The following TESK2 variants were observed in gnomAD, a reference collection of about 807,000 sequenced individuals.
TESK2 encodes testis associated actin remodelling kinase 2, also known as dual specificity testis-specific protein kinase 2.
In TESK2, 39 loss-of-function variants were observed where a neutral mutation model predicts 57.1. That is an observed-to-expected ratio of 0.68 (90% CI 0.53 to 0.89). The LOEUF (loss-of-function observed/expected upper bound fraction) is 0.89. Ranked by LOEUF, TESK2 falls within the 40% of genes least tolerant of loss-of-function variation. The pLI is 0.00. For missense variants in TESK2, 646 were observed against 732.1 expected, an observed-to-expected ratio of 0.88 and a Z score of 1.36; for synonymous variants, 249 against 267.9, an observed-to-expected ratio of 0.93 and a Z score of 0.69.
At chr1:45,448,655 C>T (rs149567204) in intron 2 of TESK2, among the ~76,000 whole-genome samples, 1 of 152,252 alleles carries the variant, frequency 6.6e-6, no homozygotes, top group Non-Finnish European at 1.5e-5. Flanking sequence ...TCACTTATCA[C>T]CGACGGGATG....
chr1:45,477,765 G>A (rs891043078), intron 1 of TESK2, among the ~76,000 whole-genome samples: 5 of 152,088 alleles, frequency 3.3e-5, no homozygotes, highest in Non-Finnish European at 5.9e-5. Context: ...CCCGGCATTC[G>A]AAGACTCTGC....
chr1:45,476,852 A>G (rs572417298), intron 1 of TESK2, among the ~76,000 whole-genome samples: 13 of 151,584 alleles, frequency 8.6e-5, no homozygotes, highest in Non-Finnish European at 1.8e-4. Flanking sequence ...ATCTCAAAAA[A>G]AAAGAATGAG....
At chr1:45,384,366 T>A (rs112008843) in intron 4 of TESK2, among the ~76,000 whole-genome samples, 1 of 135,132 alleles carries the variant, frequency 7.4e-6, no homozygotes, top group Admixed American at 7.5e-5. Flanking sequence ...TACGTACGTA[T>A]CTATCTATCT....
chr1:45,445,459 G>C (rs574995900), intron 2 of TESK2, among the ~76,000 whole-genome samples: 1 of 151,754 alleles, frequency 6.6e-6, no homozygotes, highest in African/African-American at 2.4e-5. Context: ...CTTGAAGATG[G>C]GCTTTCAATA....
intron 2 of TESK2, among the ~76,000 whole-genome samples, chr1:45,433,298 T>G (rs1651059714): frequency 6.6e-6 from 1 of 151,112 alleles, no homozygotes; most frequent in African/African-American, 2.4e-5. Flanking sequence ...AGGCTGGTCT[T>G]GAACTCCTGG....
chr1:45,406,759 A>G (rs1173110786), intron 3 of TESK2, among the ~76,000 whole-genome samples: 1 of 152,178 alleles, frequency 6.6e-6, no homozygotes, highest in Non-Finnish European at 1.5e-5. Flanking sequence ...TGATTGCAAT[A>G]GCCTCCTTAA....
chr1:45,451,888 C>T (rs1270906132), intron 2 of TESK2, among the ~76,000 whole-genome samples: 8 of 151,766 alleles, frequency 5.3e-5, no homozygotes, highest in Non-Finnish European at 1.2e-4. Context: ...TAAAAATTAG[C>T]CAGGCATGAT....
At chr1:45,448,536 T>C (rs1651737049) in intron 2 of TESK2, among the ~76,000 whole-genome samples, 1 of 151,496 alleles carries the variant, frequency 6.6e-6, no homozygotes, top group African/African-American at 2.4e-5. Context: ...GGTGACGGGG[T>C]GGGGGCAGCA....
At chr1:45,432,758 C>CT (rs1300292630) in intron 2 of TESK2, among the ~76,000 whole-genome samples, 39,707 of 87,594 alleles carry the variant, frequency 0.45, 10,305 homozygotes, top group African/African-American at 0.48. Flanking sequence ...AATATTATAA[C>CT]TTTTTTTTTT....
At chr1:45,346,042 C>A (rs1398078983) in intron 9 of TESK2, 48 bp from the exon 10 acceptor site, 2 of 1,380,810 alleles carry the variant, frequency 1.4e-6, no homozygotes, top group Admixed American at 3.4e-5. Flanking sequence ...ATCTCCCACC[C>A]CAAAGATGGC....
intron 1 of TESK2, among the ~76,000 whole-genome samples, chr1:45,468,737 C>T (rs1301861453): frequency 6.6e-6 from 1 of 151,956 alleles, no homozygotes; most frequent in Non-Finnish European, 1.5e-5. Context: ...AAACATAAGG[C>T]GTTATTGTCA....
At chr1:45,392,221 G>C (rs1649175232) in intron 3 of TESK2, among the ~76,000 whole-genome samples, 1 of 152,150 alleles carries the variant, frequency 6.6e-6, no homozygotes, top group South Asian at 2.1e-4. Flanking sequence ...GAGTAGCTGA[G>C]ATTACAGGCA....
At chr1:45,354,837 T>A (rs201327551) in intron 5 of TESK2, among the ~76,000 whole-genome samples, 1 of 98,214 alleles carries the variant, frequency 1.0e-5, no homozygotes, top group African/African-American at 4.0e-5. Flanking sequence ...TATATATATA[T>A]ATATATATAT....
intron 2 of TESK2, among the ~76,000 whole-genome samples, chr1:45,428,603 A>C (rs1254936370): frequency 6.6e-6 from 1 of 151,540 alleles, no homozygotes; most frequent in Non-Finnish European, 1.5e-5. Flanking sequence ...CCTGAGATCA[A>C]GCAATCCTCC....
chr1:45,452,326 A>C (rs1360187493), intron 2 of TESK2, among the ~76,000 whole-genome samples: 1 of 152,192 alleles, frequency 6.6e-6, no homozygotes, highest in Non-Finnish European at 1.5e-5. Context: ...TGTGAAATGC[A>C]ATGGTGGCTT....
intron 2 of TESK2, among the ~76,000 whole-genome samples, chr1:45,434,713 GTTGT>G (rs1273706286): frequency 1.3e-5 from 2 of 151,864 alleles, no homozygotes; most frequent in African/African-American, 4.8e-5. Context: ...TTACTGTTGA[GTTGT>G]TTGAGTTCCT....
rs145523007 is a variant in TESK2, at chr1:45,444,230, C to T, written c.222+13334G>A. Reference sequence around the variant, plus strand: ...CATATGGTCTCTGTTACAAAGTACTCGATGAGTACAGATGTGTTCCAATAA... The same window carrying T: ...CATATGGTCTCTGTTACAAAGTACTTGATGAGTACAGATGTGTTCCAATAA... On this transcript the variant is annotated intron_variant, in intron 2 of 10. Transcript: ENST00000372086. Among the ~76,000 whole-genome samples, 708 of 150,816 alleles carry T rather than the reference C, an allele frequency of 4.7e-3. 7 individuals carry two copies. Among genetic ancestry groups the T allele is most frequent in the African/African-American group, 0.017 (691 of 41,022 alleles).
At chr1:45,411,136 G>A (rs940904507) in intron 3 of TESK2, among the ~76,000 whole-genome samples, 1 of 152,178 alleles carries the variant, frequency 6.6e-6, no homozygotes, top group African/African-American at 2.4e-5. Flanking sequence ...CACAAGATTT[G>A]TGACTTCTCC....
chr1:45,355,173 T>C, intron 5 of TESK2, 130 bp downstream of exon 5: 3 of 1,166,470 alleles, frequency 2.6e-6, no homozygotes, highest in South Asian at 1.5e-5. Context: ...AGATGTAGGC[T>C]TTCTAAGGAC....
Sources: allele counts gnomAD v4.1 joint callset (sites outside exome capture counted in the v4.1 genomes callset), GRCh38; gene constraint gnomAD v4.1.1; transcripts MANE v1.5; gene names NCBI Gene and HGNC (gene_info 2026-07-23, HGNC 2026-07-21).